Variants in GTF2IRD1 observed in about 807,000 individuals in gnomAD.
GTF2IRD1 encodes general transcription factor II-I repeat domain-containing protein 1.
In GTF2IRD1, 26 loss-of-function variants were observed where a neutral mutation model predicts 113.2. The ratio of observed to expected loss-of-function variants is 0.23; its 90% CI spans 0.17 to 0.32. The LOEUF (loss-of-function observed/expected upper bound fraction) is 0.32. Among genes scored for constraint, GTF2IRD1 ranks in the 10% least tolerant of loss-of-function variants. The probability of loss-of-function intolerance (pLI) is 1.00; values close to 1 mark genes in which losing one functional copy is unlikely to be tolerated. For missense variants in GTF2IRD1, 864 were observed against 1,280.8 expected, an observed-to-expected ratio of 0.67 and a Z score of 4.97; for synonymous variants, 484 against 529.1, an observed-to-expected ratio of 0.91 and a Z score of 1.17.
intron 22 of GTF2IRD1, among the ~76,000 whole-genome samples, chr7:74,583,452 A>G (rs782217649): frequency 9.6e-4 from 133 of 139,056 alleles, no homozygotes; most frequent in Admixed American, 2.1e-3. Context: ...TCAGTCTCCC[A>G]AATTGCTGGG....
At chr7:74,463,885 G>A (rs1001190786) in intron 1 of GTF2IRD1, among the ~76,000 whole-genome samples, 1 of 152,168 alleles carries the variant, frequency 6.6e-6, no homozygotes, top group East Asian at 1.9e-4. Flanking sequence ...CACCACACCC[G>A]ACTAATTTTT....
In GTF2IRD1 at chr7:74,454,929, C is replaced by T. The variant is rs376819315; in HGVS notation, c.-7+753C>T. Among the ~76,000 whole-genome samples the T allele has an allele frequency of 6.3e-4, 95 of 151,940 alleles. 1 individual carries two copies. The highest frequency in any genetic ancestry group is 2.1e-3 in the African/African-American group (88 of 41,230). On this transcript the variant is annotated intron_variant, in intron 1 of 26. Transcript: ENST00000424337. ...CCCGCCCCATCCTAAGTACCCTGGG[C>T]ATGATGGGCTTGACACCTCTCCTGG...
intron 9 of GTF2IRD1, among the ~76,000 whole-genome samples, chr7:74,530,167 G>A (rs755380431): frequency 8.6e-5 from 13 of 151,424 alleles, no homozygotes; most frequent in Non-Finnish European, 1.8e-4. Flanking sequence ...CCAAGATCAT[G>A]CCACTGCACT....
At chr7:74,467,422 G>A (rs1670231377) in intron 1 of GTF2IRD1, among the ~76,000 whole-genome samples, 1 of 152,212 alleles carries the variant, frequency 6.6e-6, no homozygotes, top group South Asian at 2.1e-4. Flanking sequence ...TTCCCTCCAG[G>A]AAAGGCAGCT....
intron 19 of GTF2IRD1, among the ~76,000 whole-genome samples, chr7:74,556,113 G>A (rs1331504352): frequency 1.3e-5 from 2 of 151,866 alleles, no homozygotes; most frequent in South Asian, 2.1e-4. Context: ...TTAGTTGGGC[G>A]AGGTGGCGTG....
At chr7:74,572,673 TTCCCCACCCCC>T (rs1800763656) in intron 22 of GTF2IRD1, 2 of 321,960 alleles carry the variant, frequency 6.2e-6, no homozygotes, top group Non-Finnish European at 9.0e-6. Context: ...TCTCTCAGCC[TTCCCCACCCCC>T]TCTCTACCCT....
intron 15 of GTF2IRD1, among the ~76,000 whole-genome samples, chr7:74,545,529 CT>C (rs1798870965): frequency 1.3e-5 from 2 of 152,112 alleles, no homozygotes; most frequent in Admixed American, 1.3e-4. Context: ...TGGCGGTGCC[CT>C]AGATTTGATT....
intron 3 of GTF2IRD1, among the ~76,000 whole-genome samples, chr7:74,514,949 C>T (rs1554344172): frequency 6.7e-6 from 1 of 148,628 alleles, no homozygotes; most frequent in Non-Finnish European, 1.5e-5. Context: ...CCCAGCTACT[C>T]GGGAGGCTGA....
In GTF2IRD1 at chr7:74,591,023, T is replaced by G; in HGVS notation, c.2591+6T>G. 6.2e-7 allele frequency: 1 copy of G among 1,600,340 alleles called. No individual in the cohort carries two copies. The highest frequency in any genetic ancestry group is 8.5e-7 in the Non-Finnish European group (1 of 1,170,406). Reference sequence around the variant, plus strand: ...GTCATCATTAACCAGCTCCAGTGAGTGCCCGGCCTCTGGAACGGGGAACAG... The same window carrying G: ...GTCATCATTAACCAGCTCCAGTGAGGGCCCGGCCTCTGGAACGGGGAACAG... On this transcript the variant is annotated splice_donor_region_variant and intron_variant, in intron 24 of 26. Coordinates refer to ENST00000424337, the MANE Select transcript of GTF2IRD1 (RefSeq NM_005685.4).
At chr7:74,559,591 C>G (rs1554358428) in intron 21 of GTF2IRD1, 36 bp from the exon 22 acceptor site, 1 of 1,570,486 alleles carries the variant, frequency 6.4e-7, no homozygotes. Flanking sequence ...CCCCCAGGCC[C>G]TCCCCATGAC....
chr7:74,596,796 G>GT (rs1203404527), intron 25 of GTF2IRD1, among the ~76,000 whole-genome samples: 4 of 152,116 alleles, frequency 2.6e-5, no homozygotes, highest in African/African-American at 9.7e-5. Context: ...TCTACAAAAA[G>GT]TTTTTTCTCC....
chr7:74,576,977 G>A (rs1414116042), intron 22 of GTF2IRD1, among the ~76,000 whole-genome samples: 1 of 152,062 alleles, frequency 6.6e-6, no homozygotes, highest in African/African-American at 2.4e-5. Context: ...GCAGTGCCTG[G>A]CACAGAAGAG....
Position 74,519,584 on chromosome 7 carries a change from G to T in GTF2IRD1, c.781G>T (p.Ala261Ser). ...CATGGCCAGCTTCCTGTACAGCACG[G>T]CGCTCCCCAACCACGCCATCCGAGA... ...SSMASFLYST[A>S]LPNHAIRELK... The change falls in exon 6 of 27, where the codon GCG (alanine) becomes TCG (serine). Residue 261 changes from alanine to serine, a missense_variant. This residue lies in a region of GTF2IRD1 where 195 missense variants were observed against 196.6 expected (regional missense o/e 0.99). Transcript: ENST00000424337. The T allele has an allele frequency of 6.2e-7, 1 of 1,612,566 alleles. No homozygotes were observed. Among genetic ancestry groups the T allele is most frequent in the South Asian group, 1.1e-5 (1 of 90,956 alleles).
At chr7:74,549,973 G>A (rs1357519508) in intron 17 of GTF2IRD1, among the ~76,000 whole-genome samples, 2 of 151,796 alleles carry the variant, frequency 1.3e-5, no homozygotes, top group Non-Finnish European at 2.9e-5. Flanking sequence ...GGAGGCAGAA[G>A]TTGCAGTGAG....
At chr7:74,465,174 C>A (rs1220301583) in intron 1 of GTF2IRD1, among the ~76,000 whole-genome samples, 1 of 152,236 alleles carries the variant, frequency 6.6e-6, no homozygotes, top group African/African-American at 2.4e-5. Context: ...GTGGTTACCT[C>A]TGCTCCCAGG....
chr7:74,463,929 G>T (rs1236732632), intron 1 of GTF2IRD1, among the ~76,000 whole-genome samples: 1 of 151,980 alleles, frequency 6.6e-6, no homozygotes, highest in African/African-American at 2.4e-5. Flanking sequence ...TCACCATGTT[G>T]TCCAGGCTGG....
intron 22 of GTF2IRD1, among the ~76,000 whole-genome samples, chr7:74,564,561 G>T (rs1800176255): frequency 6.6e-6 from 1 of 152,098 alleles, no homozygotes; most frequent in South Asian, 2.1e-4. Flanking sequence ...GACCAGCCTG[G>T]GTAACATAGC....
chr7:74,571,932 G>GT, intron 22 of GTF2IRD1, among the ~76,000 whole-genome samples: 1 of 152,286 alleles, frequency 6.6e-6, no homozygotes, highest in East Asian at 1.9e-4. Flanking sequence ...CACCAGAATT[G>GT]TTTGAGGCCC....
At chr7:74,559,538 A>G (rs1443047263) in intron 21 of GTF2IRD1, 89 bp from the exon 22 acceptor site, 1 of 1,188,198 alleles carries the variant, frequency 8.4e-7, no homozygotes, top group Admixed American at 2.2e-5. Flanking sequence ...GGGTGCTCCC[A>G]GGGGAGACCG....
Sources: gnomAD v4.1 joint callset for allele counts (sites outside exome capture counted in the v4.1 genomes callset) on GRCh38, gnomAD v4.1.1 for gene constraint, gnomAD v4.1.1 regional missense constraint, MANE v1.5 for transcripts, NCBI Gene and HGNC (gene_info 2026-07-23, HGNC 2026-07-21) for gene names.